The following TUSC3 variants were observed in gnomAD, a reference collection of about 807,000 sequenced individuals.
TUSC3 encodes the protein tumor suppressor candidate 3.
Under a neutral mutation model 44.8 loss-of-function variants are expected in TUSC3, and 45 were observed. That is an observed-to-expected ratio of 1.00 (90% CI 0.79 to 1.29). The LOEUF is 1.29. Ranked by LOEUF, TUSC3 falls within the 50% of genes most tolerant of loss-of-function variation. TUSC3 has a pLI of 0.00. For synonymous variants in TUSC3, 212 were observed against 152.9 expected (o/e 1.39, Z -2.85); for missense variants, 519 against 437.9 (o/e 1.19, Z -1.65).
At chr8:15,799,159 G>T in the TUSC3 span, among the ~76,000 whole-genome samples, 2 of 152,122 alleles carry the variant, frequency 1.3e-5, no homozygotes, top group Admixed American at 6.6e-5. Flanking sequence ...TCCGTGTAGG[G>T]TTGTCTTAAG....
the TUSC3 span, among the ~76,000 whole-genome samples, chr8:15,799,596 T>C: frequency 6.6e-6 from 1 of 152,222 alleles, no homozygotes; most frequent in Non-Finnish European, 1.5e-5. Context: ...TACTATTTAT[T>C]GTCCAGCTAA....
chr8:15,606,108 C>G (rs968399445), intron 1 of TUSC3, among the ~76,000 whole-genome samples: 1 of 151,918 alleles, frequency 6.6e-6, no homozygotes, highest in African/African-American at 2.4e-5. Flanking sequence ...TGGAGGTGCT[C>G]CCAAGAAGCA....
chr8:15,596,149 A>G (rs1230905385), intron 1 of TUSC3, among the ~76,000 whole-genome samples: 1 of 152,334 alleles, frequency 6.6e-6, no homozygotes, highest in East Asian at 1.9e-4. Context: ...TTCCTATTTT[A>G]TAGTCGCAAG....
At chr8:15,840,989 G>C in the TUSC3 span, among the ~76,000 whole-genome samples, 2 of 152,102 alleles carry the variant, frequency 1.3e-5, no homozygotes, top group African/African-American at 4.8e-5. Context: ...CATGTATTTT[G>C]TGTGTTTCAA....
At chr8:15,798,625 C>A in the TUSC3 span, among the ~76,000 whole-genome samples, 1 of 135,468 alleles carries the variant, frequency 7.4e-6, no homozygotes, top group East Asian at 2.3e-4. Flanking sequence ...TTTGTTCATC[C>A]CAGTCAGTAC....
intron 2 of TUSC3, among the ~76,000 whole-genome samples, chr8:15,504,617 ATATATTTTTTTTT>A (rs1801026189): frequency 1.1e-4 from 2 of 17,392 alleles, no homozygotes; most frequent in African/African-American, 3.5e-4. Context: ...ATATATATAT[ATATATTTTTTTTT>A]TTTTTTTTTT....
At chr8:15,505,007 A>G (rs1019048297) in intron 2 of TUSC3, among the ~76,000 whole-genome samples, 3 of 152,122 alleles carry the variant, frequency 2.0e-5, no homozygotes, top group Admixed American at 6.5e-5. Flanking sequence ...ACAATACTGT[A>G]TCAACATCTA....
chr8:15,512,753 A>G (rs553269914), intron 2 of TUSC3, among the ~76,000 whole-genome samples: 56 of 151,664 alleles, frequency 3.7e-4, no homozygotes, highest in African/African-American at 1.3e-3. Flanking sequence ...AGCCTGGGCA[A>G]CAGAACAAGA....
chr8:15,643,655 A>T (rs1806487604), intron 2 of TUSC3, among the ~76,000 whole-genome samples: 1 of 152,210 alleles, frequency 6.6e-6, no homozygotes, highest in Non-Finnish European at 1.5e-5. Context: ...CTAGTGAATT[A>T]TTCAGTCAAT....
At chr8:15,582,482 T>G (rs962263021) in intron 1 of TUSC3, among the ~76,000 whole-genome samples, 2 of 152,222 alleles carry the variant, frequency 1.3e-5, no homozygotes, top group African/African-American at 4.8e-5. Context: ...TATCAACACT[T>G]AATAAGTTTC....
intron 1 of TUSC3, among the ~76,000 whole-genome samples, chr8:15,431,920 A>C (rs1799877960): frequency 8.9e-6 from 1 of 112,688 alleles, no homozygotes; most frequent in East Asian, 2.5e-4. Context: ...TAGAAATTAC[A>C]TTATCACATT....
intron 1 of TUSC3, among the ~76,000 whole-genome samples, chr8:15,545,207 C>T (rs1003587798): frequency 2.0e-5 from 3 of 151,474 alleles, no homozygotes; most frequent in African/African-American, 7.3e-5. Flanking sequence ...TTAAATATTT[C>T]TTCCTTGAAA....
At chr8:15,803,916 A>G in the TUSC3 span, among the ~76,000 whole-genome samples, 1 of 152,268 alleles carries the variant, frequency 6.6e-6, no homozygotes, top group East Asian at 1.9e-4. Flanking sequence ...TCCATGGTGT[A>G]TATGTGCCAC....
At chr8:15,750,852 A>C (rs555619627) in intron 9 of TUSC3, among the ~76,000 whole-genome samples, 1 of 152,086 alleles carries the variant, frequency 6.6e-6, no homozygotes, top group South Asian at 2.1e-4. Flanking sequence ...ATATAGATGA[A>C]ACTCTTGTAA....
At chr8:15,589,117 C>G (rs78471237) in intron 1 of TUSC3, among the ~76,000 whole-genome samples, 3,922 of 152,188 alleles carry the variant, frequency 0.026, 179 homozygotes, top group African/African-American at 0.089. Context: ...TTGTCAGATA[C>G]AAATATAGCT....
chr8:15,661,183 T>G lies in TUSC3; in HGVS notation c.568-973T>G, dbSNP rs377738741. ...AGAAATAAGCAAAGCAGTTATCAAC[T>G]TCATAGGTTTACATTTACATAATAC... On this transcript the variant is annotated intron_variant, in intron 4 of 10. Coordinates refer to ENST00000503731, the MANE Select transcript of TUSC3 (RefSeq NM_006765.4). 1.8e-4 allele frequency among the ~76,000 whole-genome samples: 27 copies of G among 152,120 alleles called. No individual in the cohort carries two copies. The East Asian group carries it at 4.1e-3, about 23-fold the overall frequency.
At chr8:15,847,333 C>T in the TUSC3 span, among the ~76,000 whole-genome samples, 36 of 152,174 alleles carry the variant, frequency 2.4e-4, no homozygotes, top group African/African-American at 8.4e-4. Flanking sequence ...TGCTTTTGGT[C>T]TCCTAGACAC....
the TUSC3 span, among the ~76,000 whole-genome samples, chr8:15,835,594 TTTTA>T: frequency 6.6e-6 from 1 of 152,272 alleles, no homozygotes; most frequent in African/African-American, 2.4e-5. Context: ...TAAGTTCAAG[TTTTA>T]TTTTATTGTA....
intron 2 of TUSC3, among the ~76,000 whole-genome samples, chr8:15,627,759 C>T (rs929415995): frequency 6.6e-6 from 1 of 152,240 alleles, no homozygotes; most frequent in African/African-American, 2.4e-5. Flanking sequence ...GAGCTGCACG[C>T]CCTGCTCTAG....
Sources: gnomAD v4.1 joint callset for allele counts (sites outside exome capture counted in the v4.1 genomes callset) on GRCh38, gnomAD v4.1.1 for gene constraint, MANE v1.5 for transcripts, NCBI Gene and HGNC (gene_info 2026-07-23, HGNC 2026-07-21) for gene names.